Variants in CFAP263 observed in about 807,000 individuals in gnomAD.
The protein encoded by CFAP263 is cilia and flagella associated protein 263.
the CFAP263 span, chr16:58,258,482 C>T: frequency 6.2e-7 from 1 of 1,613,958 alleles, no homozygotes; most frequent in Admixed American, 1.7e-5. Context: ...TTTGGCCACT[C>T]AGAAAGTGAT....
At chr16:58,278,738 T>A in the CFAP263 span, 1 of 1,112,698 alleles carries the variant, frequency 9.0e-7, no homozygotes, top group Non-Finnish European at 1.3e-6. Context: ...TTTGGATATG[T>A]AATTTCTGGG....
At chr16:58,259,961 C>G in the CFAP263 span, 1 of 1,471,824 alleles carries the variant, frequency 6.8e-7, no homozygotes, top group Non-Finnish European at 9.4e-7. Context: ...CTCTCTCTCT[C>G]TGTTTCTTTT....
At chr16:58,270,256 A>G in the CFAP263 span, among the ~76,000 whole-genome samples, 1 of 152,198 alleles carries the variant, frequency 6.6e-6, no homozygotes, top group Non-Finnish European at 1.5e-5. Context: ...CCTACTCAAC[A>G]TTATAGCTTA....
chr16:58,255,144 A>G, the CFAP263 span, among the ~76,000 whole-genome samples: 4 of 152,312 alleles, frequency 2.6e-5, no homozygotes, highest in East Asian at 5.8e-4. Context: ...AGGGAAGCCA[A>G]TGGTGCAGCC....
chr16:58,259,528 A>G, the CFAP263 span, among the ~76,000 whole-genome samples: 13 of 152,246 alleles, frequency 8.5e-5, no homozygotes, highest in African/African-American at 2.4e-4. Flanking sequence ...AGTAATAAAA[A>G]TTATGTAAAC....
the CFAP263 span, among the ~76,000 whole-genome samples, chr16:58,263,794 A>G: frequency 6.6e-6 from 1 of 152,212 alleles, no homozygotes; most frequent in Non-Finnish European, 1.5e-5. Context: ...CCTGGCCAAC[A>G]TGGCAAAACG....
the CFAP263 span, chr16:58,258,251 T>C: frequency 2.9e-4 from 236 of 827,028 alleles, no homozygotes; most frequent in Non-Finnish European, 4.1e-4. Context: ...TTCCTAAGAC[T>C]AAGAAGAAAC....
the CFAP263 span, among the ~76,000 whole-genome samples, chr16:58,268,922 C>G: frequency 6.6e-6 from 1 of 151,958 alleles, no homozygotes; most frequent in Non-Finnish European, 1.5e-5. Context: ...ATATAATCAC[C>G]CATTTAAAGT....
At chr16:58,273,985 G>A in the CFAP263 span, among the ~76,000 whole-genome samples, 11 of 152,302 alleles carry the variant, frequency 7.2e-5, 1 homozygote, top group Non-Finnish European at 1.0e-4. Flanking sequence ...TGCTTCTGCT[G>A]AGTTCTCTTT....
the CFAP263 span, among the ~76,000 whole-genome samples, chr16:58,277,985 G>A: frequency 1.3e-5 from 2 of 152,176 alleles, no homozygotes; most frequent in Admixed American, 1.3e-4. Flanking sequence ...GACAAAAAGA[G>A]TTCTGGAGAT....
chr16:58,278,532 C>T, the CFAP263 span: 23 of 1,614,048 alleles, frequency 1.4e-5, no homozygotes, highest in Admixed American at 1.7e-5. Context: ...AGCAGCTGGC[C>T]GAGTTCCGGG....
chr16:58,264,929 C>T, the CFAP263 span, among the ~76,000 whole-genome samples: 1 of 152,202 alleles, frequency 6.6e-6, no homozygotes, highest in Non-Finnish European at 1.5e-5. Context: ...GCTAAGGGTA[C>T]AGCATTTAGA....
At chr16:58,266,958 C>T in the CFAP263 span, among the ~76,000 whole-genome samples, 1 of 152,144 alleles carries the variant, frequency 6.6e-6, no homozygotes, top group Non-Finnish European at 1.5e-5. Context: ...TCTCTGTGAC[C>T]TTGGGGAAAT....
chr16:58,268,062 A>AGAGAAT, the CFAP263 span, among the ~76,000 whole-genome samples: 123 of 150,416 alleles, frequency 8.2e-4, no homozygotes, highest in Middle Eastern at 3.4e-3. Context: ...AGAGAGAGAG[A>AGAGAAT]GGTCATAACC....
At chr16:58,264,663 C>G in the CFAP263 span, among the ~76,000 whole-genome samples, 4 of 152,202 alleles carry the variant, frequency 2.6e-5, no homozygotes, top group Admixed American at 2.0e-4. Context: ...CAGTGCCTGG[C>G]TAAAGCAAGT....
At chr16:58,283,284 G>T in the CFAP263 span, 2 of 152,196 alleles carry the variant, frequency 1.3e-5, no homozygotes, top group African/African-American at 4.8e-5. Flanking sequence ...CAAGACAGAG[G>T]ATTCTATGGG....
the CFAP263 span, among the ~76,000 whole-genome samples, chr16:58,251,210 G>T: frequency 7.9e-5 from 12 of 152,192 alleles, no homozygotes; most frequent in Admixed American, 6.5e-4. Flanking sequence ...AGTGGGTAAG[G>T]AAACAAAGAC....
At chr16:58,280,682 C>A in the CFAP263 span, 2 of 1,614,142 alleles carry the variant, frequency 1.2e-6, no homozygotes, top group Non-Finnish European at 1.7e-6. Context: ...GTCTCACCAC[C>A]GAAGTTCAGG....
the CFAP263 span, chr16:58,280,071 T>G: frequency 1.4e-6 from 1 of 733,142 alleles, no homozygotes; most frequent in South Asian, 1.9e-5. Context: ...GGGAGAGGGA[T>G]AGAGGAGGGA....
Sources: allele counts gnomAD v4.1 joint callset (sites outside exome capture counted in the v4.1 genomes callset), GRCh38; gene constraint gnomAD v4.1.1; transcripts MANE v1.5; gene names NCBI Gene and HGNC (gene_info 2026-07-23, HGNC 2026-07-21).